HCN1: variants seen among roughly 807,000 people sequenced by gnomAD.
HCN1 encodes hyperpolarization activated cyclic nucleotide gated potassium channel 1.
A neutral mutation model predicts 78.9 loss-of-function variants in HCN1; 13 were observed. The ratio of observed to expected loss-of-function variants is 0.16; its 90% confidence interval spans 0.11 to 0.26. The LOEUF (loss-of-function observed/expected upper bound fraction) is 0.26, where lower values mean the gene tolerates loss of function less well. Ranked by LOEUF, HCN1 falls within the 10% of genes least tolerant of loss-of-function variation. The pLI is 1.00. For missense variants in HCN1, 810 were observed against 1,154.3 expected, an observed-to-expected ratio of 0.70 and a Z score of 4.32; for synonymous variants, 552 against 455.5, an observed-to-expected ratio of 1.21 and a Z score of -2.70.
At chr5:45,436,917 A>T (rs1404904118) in intron 3 of HCN1, among the ~76,000 whole-genome samples, 1 of 152,242 alleles carries the variant, frequency 6.6e-6, no homozygotes, top group East Asian at 1.9e-4. Context: ...CCGATCAACC[A>T]GATTAAATAA....
chr5:45,507,192 A>G (rs1455713585), intron 2 of HCN1, among the ~76,000 whole-genome samples: 1 of 152,228 alleles, frequency 6.6e-6, no homozygotes, highest in East Asian at 1.9e-4. Context: ...TAGATTTCCC[A>G]TTAACATGGA....
intron 4 of HCN1, among the ~76,000 whole-genome samples, chr5:45,383,894 T>C (rs1233020872): frequency 1.3e-5 from 2 of 152,054 alleles, no homozygotes; most frequent in Non-Finnish European, 2.9e-5. Flanking sequence ...AGTTAGTAAT[T>C]CCACATCCTC....
intron 2 of HCN1, among the ~76,000 whole-genome samples, chr5:45,624,502 G>A (rs2112001057): frequency 6.6e-6 from 1 of 152,178 alleles, no homozygotes; most frequent in East Asian, 1.9e-4. Context: ...CCCTGAGAAT[G>A]AGCAGAGGAA....
chr5:45,500,150 A>G (rs1056398650), intron 2 of HCN1, among the ~76,000 whole-genome samples: 1 of 152,110 alleles, frequency 6.6e-6, no homozygotes, highest in Non-Finnish European at 1.5e-5. Flanking sequence ...GACTGGTGAC[A>G]TTTAAAGAAT....
At chr5:45,299,228 T>C (rs2111897653) in intron 6 of HCN1, among the ~76,000 whole-genome samples, 1 of 152,122 alleles carries the variant, frequency 6.6e-6, no homozygotes, top group South Asian at 2.1e-4. Context: ...ATGCACTTTA[T>C]TAAGTACTTT....
At chr5:45,347,775 A>G (rs1189172933) in intron 5 of HCN1, among the ~76,000 whole-genome samples, 1 of 152,194 alleles carries the variant, frequency 6.6e-6, no homozygotes, top group African/African-American at 2.4e-5. Context: ...GTGATGGAAG[A>G]TGAAATGAAT....
At chr5:45,267,293 C>G in intron 6 of HCN1, 40 bp from the exon 7 acceptor site, 2 of 1,598,426 alleles carry the variant, frequency 1.3e-6, no homozygotes, top group Non-Finnish European at 1.7e-6. Flanking sequence ...CTTGTTTGAT[C>G]ATTTTCTTTT....
At chr5:45,397,776 T>C (rs1188696377) in intron 3 of HCN1, among the ~76,000 whole-genome samples, 2 of 151,690 alleles carry the variant, frequency 1.3e-5, no homozygotes, top group Admixed American at 6.6e-5. Context: ...GTCATAGTTA[T>C]ATGTAATACC....
chr5:45,695,656 C>T lies in HCN1; in HGVS notation c.425+13G>A. The T allele has an allele frequency of 1.2e-6, 2 of 1,610,192 alleles. No individual in the cohort carries two copies. The highest frequency in any genetic ancestry group is 8.5e-7 in the Non-Finnish European group (1 of 1,178,548). ...CCTGAAGGGAGGGTGGGGCGGCGAC[C>T]GGGAGCCCTCACCTGAAATCACTGT... On this transcript the variant is annotated intron_variant, in intron 1 of 7. Transcript: ENST00000303230.
chr5:45,410,497 T>C (rs1740002651), intron 3 of HCN1, among the ~76,000 whole-genome samples: 1 of 152,078 alleles, frequency 6.6e-6, no homozygotes, highest in South Asian at 2.1e-4. Context: ...ATTTAGAACA[T>C]GAATGACGTC....
chr5:45,460,595 G>C (rs1741125670), intron 3 of HCN1, among the ~76,000 whole-genome samples: 1 of 151,988 alleles, frequency 6.6e-6, no homozygotes, highest in South Asian at 2.1e-4. Context: ...GGTCAGGAGA[G>C]CTCTTTGTGA....
chr5:45,281,804 G>C (rs1745175522), intron 6 of HCN1, among the ~76,000 whole-genome samples: 2 of 151,740 alleles, frequency 1.3e-5, no homozygotes, highest in African/African-American at 4.8e-5. Flanking sequence ...ATATTTGCCA[G>C]GATGGTCTTG....
At chr5:45,604,528 T>C (rs1744688346) in intron 2 of HCN1, among the ~76,000 whole-genome samples, 1 of 152,014 alleles carries the variant, frequency 6.6e-6, no homozygotes, top group African/African-American at 2.4e-5. Flanking sequence ...TATGAACTAC[T>C]GTTCTGTGGT....
At chr5:45,314,598 G>A (rs1282688086) in intron 5 of HCN1, among the ~76,000 whole-genome samples, 3 of 152,112 alleles carry the variant, frequency 2.0e-5, no homozygotes, top group Admixed American at 2.0e-4. Flanking sequence ...ACCCATCAGT[G>A]TGCTATATTC....
At chr5:45,470,808 C>T in intron 2 of HCN1, among the ~76,000 whole-genome samples, 1 of 151,994 alleles carries the variant, frequency 6.6e-6, no homozygotes, top group East Asian at 1.9e-4. Context: ...ACATCTTCCA[C>T]ATCCTCACTA....
chr5:45,273,189 G>A (rs964934256), intron 6 of HCN1, among the ~76,000 whole-genome samples: 2 of 151,782 alleles, frequency 1.3e-5, no homozygotes, highest in African/African-American at 4.8e-5. Context: ...TTTATGAATG[G>A]CTAAGTAGTT....
intron 2 of HCN1, chr5:45,617,519 T>C (rs966087775): frequency 6.6e-6 from 1 of 152,094 alleles, no homozygotes; most frequent in African/African-American, 2.4e-5. Flanking sequence ...AAATAAAGCA[T>C]GCTATTTCCA....
intron 3 of HCN1, among the ~76,000 whole-genome samples, chr5:45,461,510 C>T (rs1223915603): frequency 3.3e-5 from 5 of 152,000 alleles, no homozygotes; most frequent in Admixed American, 6.6e-5. Context: ...TGAAATAAGG[C>T]GTTATTCTAA....
At chr5:45,663,657 A>C (rs1292973771) in intron 1 of HCN1, among the ~76,000 whole-genome samples, 30 of 151,706 alleles carry the variant, frequency 2.0e-4, no homozygotes, top group Admixed American at 1.9e-3. Context: ...GGACATGAAC[A>C]GACACTTCTC....
Sources: gnomAD v4.1 joint callset for allele counts (sites outside exome capture counted in the v4.1 genomes callset) on GRCh38, gnomAD v4.1.1 for gene constraint, MANE v1.5 for transcripts, NCBI Gene and HGNC (gene_info 2026-07-23, HGNC 2026-07-21) for gene names.